KCNQ3: variants seen among roughly 807,000 people sequenced by gnomAD.
KCNQ3 encodes potassium voltage-gated channel subfamily KQT member 3.
Under a neutral mutation model 92.5 loss-of-function variants are expected in KCNQ3, and 30 were observed. The ratio of observed to expected loss-of-function variants is 0.32; its 90% CI spans 0.24 to 0.44. The LOEUF (loss-of-function observed/expected upper bound fraction) is 0.44. KCNQ3 is among the 20% of genes least tolerant of loss of function. The pLI is 1.00. For missense variants in KCNQ3, 913 were observed against 1,140.3 expected (o/e 0.80, Z 2.87); for synonymous variants, 450 against 468.8 (o/e 0.96, Z 0.52).
intron 1 of KCNQ3, among the ~76,000 whole-genome samples, chr8:132,268,374 C>A (rs1304738574): frequency 2.6e-5 from 4 of 152,162 alleles, no homozygotes; most frequent in African/African-American, 9.6e-5. Context: ...AAGAGATTCT[C>A]CTGCCTCAGC....
chr8:132,460,813 T>C (rs1169118251), intron 1 of KCNQ3, among the ~76,000 whole-genome samples: 1 of 152,240 alleles, frequency 6.6e-6, no homozygotes, highest in Non-Finnish European at 1.5e-5. Flanking sequence ...CACTAAGTCA[T>C]GTATCCACCA....
rs550661285 is a variant in KCNQ3 at position 132,316,347 on chromosome 8, GAGGTGTT to G, written c.387-130173_387-130167del. On this transcript the variant is annotated intron_variant, in intron 1 of 14. Coordinates refer to ENST00000388996, the MANE Select transcript of KCNQ3 (RefSeq NM_004519.4). ...CAAATTACTCACCACCTCACAGAGT[GAGGTGTT>G]AGGAAGAATAAAGTCCCTAAAGCCA... is the stretch of plus-strand genomic sequence containing the variant. Among the ~76,000 whole-genome samples, 26 of 152,272 alleles carry G rather than the reference GAGGTGTT, an allele frequency of 1.7e-4. No individual in the cohort carries two copies. In the South Asian group the frequency reaches 5.2e-3, roughly 30 times the overall value.
chr8:132,247,421 G>A (rs1421239290), intron 1 of KCNQ3, among the ~76,000 whole-genome samples: 1 of 152,126 alleles, frequency 6.6e-6, no homozygotes, highest in African/African-American at 2.4e-5. Context: ...AAATAACCTT[G>A]TTATTATCCC....
intron 10 of KCNQ3, 179 bp downstream of exon 10, chr8:132,140,950 G>T (rs1318205190): frequency 1.5e-6 from 1 of 648,580 alleles, no homozygotes; most frequent in Non-Finnish European, 2.8e-6. Context: ...ACATCACAAT[G>T]CCTCAGCCCA....
intron 1 of KCNQ3, among the ~76,000 whole-genome samples, chr8:132,353,140 C>T (rs183221857): frequency 5.4e-4 from 82 of 152,184 alleles, no homozygotes; most frequent in African/African-American, 1.9e-3. Flanking sequence ...GCAGGAGAAT[C>T]GCTGGAACCT....
intron 11 of KCNQ3, 84 bp from the exon 12 acceptor site, chr8:132,138,100 G>C (rs1177588710): frequency 2.0e-6 from 3 of 1,501,232 alleles, no homozygotes; most frequent in African/African-American, 1.4e-5. Flanking sequence ...CTCCAGGGCA[G>C]GGGGAGAAAA....
chr8:132,328,214 C>T (rs562385748), intron 1 of KCNQ3, among the ~76,000 whole-genome samples: 1 of 152,194 alleles, frequency 6.6e-6, no homozygotes, highest in Admixed American at 6.5e-5. Flanking sequence ...TCAGCTGGCC[C>T]TCAGGACTCA....
intron 1 of KCNQ3, among the ~76,000 whole-genome samples, chr8:132,246,184 A>C (rs938388935): frequency 6.6e-6 from 1 of 152,148 alleles, no homozygotes. Flanking sequence ...TGTCCCATTT[A>C]CCTATTCTTG....
chr8:132,323,183 C>T (rs1817945344), intron 1 of KCNQ3, among the ~76,000 whole-genome samples: 1 of 152,158 alleles, frequency 6.6e-6, no homozygotes, highest in African/African-American at 2.4e-5. Flanking sequence ...CCTCTGTCTT[C>T]TTCCTCCAAG....
chr8:132,411,260 T>C (rs1820643796), intron 1 of KCNQ3, among the ~76,000 whole-genome samples: 1 of 152,202 alleles, frequency 6.6e-6, no homozygotes, highest in Non-Finnish European at 1.5e-5. Context: ...CATTGTTGCC[T>C]AAGATCTAGC....
chr8:132,276,525 C>T (rs905067276), intron 1 of KCNQ3, among the ~76,000 whole-genome samples: 9 of 152,268 alleles, frequency 5.9e-5, no homozygotes, highest in African/African-American at 1.4e-4. Flanking sequence ...TACCTGCCCC[C>T]ACCCCCAACA....
At chr8:132,349,110 G>GC (rs1461393833) in intron 1 of KCNQ3, among the ~76,000 whole-genome samples, 1 of 152,132 alleles carries the variant, frequency 6.6e-6, no homozygotes, top group Non-Finnish European at 1.5e-5. Flanking sequence ...CCACACTTCC[G>GC]CCCTGGGAGC....
At chr8:132,368,239 A>G (rs1819376836) in intron 1 of KCNQ3, among the ~76,000 whole-genome samples, 1 of 152,216 alleles carries the variant, frequency 6.6e-6, no homozygotes, top group Admixed American at 6.5e-5. Flanking sequence ...GAGGGCGTTA[A>G]GTGAGGACTT....
chr8:132,142,551 T>C (rs1050876058), intron 9 of KCNQ3, among the ~76,000 whole-genome samples: 1 of 152,202 alleles, frequency 6.6e-6, no homozygotes, highest in African/African-American at 2.4e-5. Context: ...AAGTCCTTTT[T>C]TGTGGTACTT....
At chr8:132,154,363 A>G (rs1012784277) in intron 9 of KCNQ3, among the ~76,000 whole-genome samples, 3 of 152,038 alleles carry the variant, frequency 2.0e-5, no homozygotes, top group African/African-American at 4.8e-5. Context: ...TCTTCAGGCC[A>G]TGAAACTCCA....
At chr8:132,284,308 C>T (rs1158425653) in intron 1 of KCNQ3, among the ~76,000 whole-genome samples, 1 of 152,042 alleles carries the variant, frequency 6.6e-6, no homozygotes, top group African/African-American at 2.4e-5. Context: ...GTAAATATAC[C>T]TTGTACTATT....
At chr8:132,281,211 G>T (rs1168984894) in intron 1 of KCNQ3, among the ~76,000 whole-genome samples, 1 of 152,076 alleles carries the variant, frequency 6.6e-6, no homozygotes, top group Admixed American at 6.5e-5. Context: ...GGCACTATAC[G>T]ACTAATACCA....
chr8:132,378,120 A>C (rs2130749699), intron 1 of KCNQ3, among the ~76,000 whole-genome samples: 1 of 152,316 alleles, frequency 6.6e-6, no homozygotes, highest in South Asian at 2.1e-4. Context: ...ATGGCCGGGC[A>C]TGGTGGCTCA....
Position 132,174,333 on chromosome 8 carries a change from A to T in KCNQ3, c.950T>A (p.Ile317Asn). Reference sequence around the variant, plus strand: ...TTTGGGTGTCTTGTCTCCATAGCCAATGGTGGCCAGTGTGATCTGAAGAGA... The same window carrying T: ...TTTGGGTGTCTTGTCTCCATAGCCATTGGTGGCCAGTGTGATCTGAAGAGA... ...LWWGLITLAT[I>N]GYGDKTPKTW... Residue 317 changes from isoleucine (I) to asparagine (N), a missense_variant, in exon 6 of 15, where the codon ATT becomes AAT. Physicochemically the swap from Ile to Asn is moderately radical, Grantham distance 149. Coordinates refer to ENST00000388996, the MANE Select transcript of KCNQ3 (RefSeq NM_004519.4). The T allele has an allele frequency of 6.4e-7, 1 of 1,552,056 alleles. No homozygotes were observed. The highest frequency in any genetic ancestry group is 8.7e-7 in the Non-Finnish European group (1 of 1,147,114).
Sources: allele counts gnomAD v4.1 joint callset (sites outside exome capture counted in the v4.1 genomes callset), GRCh38; gene constraint gnomAD v4.1.1; transcripts MANE v1.5; gene names NCBI Gene and HGNC (gene_info 2026-07-23, HGNC 2026-07-21).